The following SRL variants were observed in gnomAD, a reference collection of about 807,000 sequenced individuals.
SRL encodes sarcalumenin.
A neutral mutation model predicts 39.5 loss-of-function variants in SRL; 23 were observed. The observed-to-expected ratio is 0.58, with a 90% CI of 0.42 to 0.82. The LOEUF is 0.82. SRL is among the 40% of genes least tolerant of loss of function. SRL has a pLI of 0.00. For synonymous variants in SRL, 272 were observed against 237.4 expected, an observed-to-expected ratio of 1.15 and a Z score of -1.34; for missense variants, 592 against 607.8, an observed-to-expected ratio of 0.97 and a Z score of 0.27.
chr16:4,224,956 T>C (rs2052570942), intron 1 of SRL, among the ~76,000 whole-genome samples: 1 of 152,134 alleles, frequency 6.6e-6, no homozygotes, highest in Non-Finnish European at 1.5e-5. Context: ...CGGCTGAACC[T>C]GGAAGACACG....
Position 4,217,400 on chromosome 16 carries a change from C to T in SRL, c.62-12766G>A, listed in dbSNP as rs146814819. 4.7e-3 allele frequency among the ~76,000 whole-genome samples: 717 copies of T among 152,252 alleles called. 8 individuals are homozygous for T. Among genetic ancestry groups the T allele is most frequent in the African/African-American group, 0.017 (696 of 41,548 alleles). ...CAGAGTAGCTGGGACTACAGGCACG[C>T]GCCACCATGCCTGGCTAATTGTTTT... On this transcript the variant is annotated intron_variant, in intron 1 of 5. Transcript: ENST00000399609.
chr16:4,196,227 T>A (rs2052140245), intron 4 of SRL, among the ~76,000 whole-genome samples: 1 of 152,170 alleles, frequency 6.6e-6, no homozygotes, highest in East Asian at 1.9e-4. Context: ...CCCGAAGTGC[T>A]GGGATTACAG....
In SRL at chr16:4,221,651, G is replaced by A. The variant is rs188633151; in HGVS notation, c.62-17017C>T. On this transcript the variant is annotated intron_variant, in intron 1 of 5. Coordinates refer to ENST00000399609, the MANE Select transcript of SRL (RefSeq NM_001098814.2). ...TGCACTGATGCCTGAATGTGGTTTT[G>A]TATTTGTTCTATGGGGCTGCTGTGA... 3.5e-4 allele frequency among the ~76,000 whole-genome samples: 54 copies of A among 152,348 alleles called. 1 individual carries two copies. The highest frequency in any genetic ancestry group is 1.3e-3 in the African/African-American group (52 of 41,582).
At chr16:4,221,898 T>A (rs756510160) in intron 1 of SRL, among the ~76,000 whole-genome samples, 19 of 152,214 alleles carry the variant, frequency 1.2e-4, no homozygotes, top group Non-Finnish European at 2.4e-4. Flanking sequence ...GCCTTCTCTG[T>A]GTGTCTGTGT....
rs567983874 is a variant in SRL, at chr16:4,204,654, G to A, written c.62-20C>T. On this transcript the variant is annotated intron_variant, in intron 1 of 5. Transcript: ENST00000399609. The stretch of plus-strand genomic sequence containing the variant: ...TCTCTTCTGTGGAGAGAAGCAGACA[G>A]CCAAGTGAGAGCAAAGCTAACAGCC... 80 of 1,608,400 alleles carry A rather than the reference G, an allele frequency of 5.0e-5. 3 individuals carry two copies. The South Asian group carries it at 8.1e-4, about 16-fold the overall frequency.
chr16:4,195,467 G>T, intron 5 of SRL, 86 bp downstream of exon 5: 1 of 1,334,874 alleles, frequency 7.5e-7, no homozygotes, highest in South Asian at 1.3e-5. Flanking sequence ...CAAAGAGTTG[G>T]GATCACAGGC....
chr16:4,197,424 T>C (rs199511233), intron 4 of SRL, among the ~76,000 whole-genome samples: 1 of 130,870 alleles, frequency 7.6e-6, no homozygotes, highest in African/African-American at 3.5e-5. Flanking sequence ...TTCTTTCCTT[T>C]TTTTTTTTTT....
intron 4 of SRL, among the ~76,000 whole-genome samples, chr16:4,197,163 G>C (rs1223864550): frequency 7.1e-6 from 1 of 141,738 alleles, no homozygotes; most frequent in Non-Finnish European, 1.5e-5. Context: ...CTGCCTCCTG[G>C]GTTCAAGCAA....
intron 2 of SRL, among the ~76,000 whole-genome samples, chr16:4,204,284 C>T (rs994888093): frequency 6.6e-6 from 1 of 152,210 alleles, no homozygotes; most frequent in Non-Finnish European, 1.5e-5. Context: ...ACTTGGATGG[C>T]CCTTCCTCCT....
Position 4,201,637 on chromosome 16 carries a change from TTTTGTTTGTTTG to T in SRL, c.259+1517_259+1528del, listed in dbSNP as rs3081045. Reference sequence around the variant, plus strand: ...GCTGGGCCCAATTTTTGTGTGTGTGTTTTGTTTGTTTGTTTGTTTGTTTGTTTGTTTGTTTTG... The same window carrying T: ...GCTGGGCCCAATTTTTGTGTGTGTGTTTTGTTTGTTTGTTTGTTTGTTTTG... On this transcript the variant is annotated intron_variant, in intron 3 of 5. Coordinates refer to ENST00000399609, the MANE Select transcript of SRL (RefSeq NM_001098814.2). Among the ~76,000 whole-genome samples, 205 of 122,232 alleles carry T rather than the reference TTTTGTTTGTTTG, an allele frequency of 1.7e-3. 35 individuals are homozygous for T. The highest frequency in any genetic ancestry group is 5.0e-3 in the African/African-American group (132 of 26,334). The allele number at this position is 122,232 out of a possible 152,430, so 80.2% of individuals were successfully genotyped here. A position where few individuals can be genotyped will look rare whatever the true frequency, so the allele number is the denominator to read the frequency against.
intron 1 of SRL, among the ~76,000 whole-genome samples, chr16:4,214,122 G>A (rs1190377193): frequency 6.6e-6 from 1 of 152,190 alleles, no homozygotes; most frequent in East Asian, 1.9e-4. Context: ...CAAGGGCCAG[G>A]AAGCTCTGTC....
chr16:4,211,799 G>A (rs372504858), intron 1 of SRL, among the ~76,000 whole-genome samples: 13 of 151,604 alleles, frequency 8.6e-5, no homozygotes, highest in South Asian at 4.2e-4. Flanking sequence ...GATGAGGATC[G>A]TGATGATGAT....
At chr16:4,241,963 G>C in intron 1 of SRL, 44 bp downstream of exon 1, 1 of 1,609,198 alleles carries the variant, frequency 6.2e-7, no homozygotes, top group East Asian at 2.2e-5. Context: ...TGGAGGAAGC[G>C]TGGGGGACCA....
In SRL at chr16:4,190,206, C is replaced by A. The variant is rs1252049094; in HGVS notation, c.*1947G>T. The A allele has an allele frequency of 5.0e-6, 2 of 398,380 alleles. No individual in the cohort carries two copies. The highest frequency in any genetic ancestry group is 4.1e-5 in the African/African-American group (2 of 48,638). 24.7% of individuals were successfully genotyped at this position (398,380 alleles called of 1,614,324 possible). On this transcript the variant is annotated 3_prime_UTR_variant, in exon 6 of 6. Coordinates refer to ENST00000399609, the MANE Select transcript of SRL (RefSeq NM_001098814.2). ...AGCATGCACCAGAGTGATAACAATT[C>A]TGAGAACCGGGAATTCCTAACTCGA...
intron 5 of SRL, among the ~76,000 whole-genome samples, chr16:4,193,409 A>C (rs753205394): frequency 6.6e-6 from 1 of 152,220 alleles, no homozygotes; most frequent in Admixed American, 6.5e-5. Flanking sequence ...AGATTGTCCT[A>C]TTGTCTAAAA....
chr16:4,200,425 C>T (rs994576242), intron 3 of SRL, among the ~76,000 whole-genome samples: 3 of 152,146 alleles, frequency 2.0e-5, no homozygotes, highest in Non-Finnish European at 2.9e-5. Flanking sequence ...CACCGCTGGC[C>T]TATACAGGAG....
chr16:4,210,636 G>A (rs142696038), intron 1 of SRL, among the ~76,000 whole-genome samples: 228 of 151,832 alleles, frequency 1.5e-3, no homozygotes, highest in African/African-American at 4.7e-3. Context: ...AATTACAGGC[G>A]CATGCTAAGT....
intron 2 of SRL, 76 bp from the exon 3 acceptor site, chr16:4,203,337 C>T (rs1197278135): frequency 8.0e-7 from 1 of 1,249,970 alleles, no homozygotes; most frequent in African/African-American, 1.5e-5. Context: ...GGAGGGGCCT[C>T]ACCACCCAGG....
chr16:4,203,019 G>GACCCAC, intron 3 of SRL, 147 bp downstream of exon 3: 1 of 704,912 alleles, frequency 1.4e-6, no homozygotes, highest in East Asian at 2.6e-5. Context: ...CCCAGACCCA[G>GACCCAC]ACCCACAAGT....
Sources: gnomAD v4.1 joint callset for allele counts (sites outside exome capture counted in the v4.1 genomes callset) on GRCh38, gnomAD v4.1.1 for gene constraint, MANE v1.5 for transcripts, NCBI Gene and HGNC (gene_info 2026-07-23, HGNC 2026-07-21) for gene names.